The following C1orf141 variants were observed in gnomAD, a reference collection of about 807,000 sequenced individuals.
C1orf141 encodes uncharacterized protein C1orf141.
Under a neutral mutation model 23.2 loss-of-function variants are expected in C1orf141, and 19 were observed. The ratio of observed to expected loss-of-function variants is 0.82; its 90% CI spans 0.57 to 1.20. The LOEUF (loss-of-function observed/expected upper bound fraction) is 1.20, where lower values mean the gene tolerates loss of function less well. Among genes scored for constraint, C1orf141 ranks in the 50% most tolerant of loss-of-function variants. The pLI, the probability that C1orf141 is intolerant of heterozygous loss-of-function variation, is 0.00. For missense variants in C1orf141, 469 were observed against 455.1 expected (o/e 1.03, Z -0.28); for synonymous variants, 153 against 154.6 (o/e 0.99, Z 0.08).
At chr1:67,096,414 A>G in intron 5 of C1orf141, 93 bp from the exon 6 acceptor site, 2 of 686,144 alleles carry the variant, frequency 2.9e-6, no homozygotes, top group Non-Finnish European at 5.0e-6. Context: ...TTAAAATAAC[A>G]TATGGAAAGT....
At chr1:67,123,752 C>G (rs894606043) in intron 4 of C1orf141, 3 of 152,186 alleles carry the variant, frequency 2.0e-5, no homozygotes, top group Non-Finnish European at 4.4e-5. Context: ...AGATTTGACC[C>G]TACTTACGAG....
chr1:67,134,808 C>A (rs1443758768), intron 1 of C1orf141, 122 bp downstream of exon 1: 1 of 152,428 alleles, frequency 6.6e-6, no homozygotes, highest in Non-Finnish European at 1.5e-5. Flanking sequence ...TGGAGAACGT[C>A]CCACCGACTC....
In C1orf141 at chr1:67,100,220, T is replaced by C. The variant is rs975683578; in HGVS notation, c.347-3899A>G. ...GTTCTGTTCTTTCCTTCAGACACACTGGTTATCTCAGTGTTGGATACCTGT... is the reference window on the plus strand; with the variant it reads ...GTTCTGTTCTTTCCTTCAGACACACCGGTTATCTCAGTGTTGGATACCTGT... On this transcript the variant is annotated intron_variant, in intron 5 of 7. Coordinates refer to ENST00000684719, the MANE Select transcript of C1orf141 (RefSeq NM_001276351.2). 5.9e-5 allele frequency among the ~76,000 whole-genome samples: 9 copies of C among 152,200 alleles called. 1 individual carries two copies. The highest frequency in any genetic ancestry group is 5.2e-4 in the Admixed American group (8 of 15,272).
chr1:67,111,099 C>G (rs940310751), intron 5 of C1orf141, among the ~76,000 whole-genome samples: 2 of 151,914 alleles, frequency 1.3e-5, no homozygotes, highest in African/African-American at 4.8e-5. Context: ...CCATGAACTT[C>G]TGCTGAAGTG....
intron 4 of C1orf141, among the ~76,000 whole-genome samples, chr1:67,116,254 C>T (rs971427635): frequency 6.6e-6 from 1 of 152,170 alleles, no homozygotes; most frequent in Non-Finnish European, 1.5e-5. Context: ...TCCATTCAAC[C>T]AGAGGGTTAG....
chr1:67,096,371 T>G, intron 5 of C1orf141, 50 bp from the exon 6 acceptor site: 1 of 903,004 alleles, frequency 1.1e-6, no homozygotes, highest in Non-Finnish European at 1.7e-6. Context: ...TTCTGACATT[T>G]AGGAAAATAT....
At chr1:67,115,286 A>G (rs1433663895) in intron 5 of C1orf141, 66 bp downstream of exon 5, 2 of 651,790 alleles carry the variant, frequency 3.1e-6, no homozygotes, top group South Asian at 3.7e-5. Context: ...CACATCGGTA[A>G]ATAATAAAAT....
At chr1:67,098,241 C>T (rs1645727389) in intron 5 of C1orf141, among the ~76,000 whole-genome samples, 2 of 152,282 alleles carry the variant, frequency 1.3e-5, no homozygotes, top group African/African-American at 4.8e-5. Flanking sequence ...AAAAATATTG[C>T]CAGGTGCAGT....
At chr1:67,103,939 T>C (rs765883114) in intron 5 of C1orf141, among the ~76,000 whole-genome samples, 1 of 152,132 alleles carries the variant, frequency 6.6e-6, no homozygotes, top group Non-Finnish European at 1.5e-5. Flanking sequence ...TAATATAAAC[T>C]GAATACTTTG....
chr1:67,111,272 A>G (rs1646065775), intron 5 of C1orf141, among the ~76,000 whole-genome samples: 1 of 152,084 alleles, frequency 6.6e-6, no homozygotes, highest in Non-Finnish European at 1.5e-5. Context: ...ATAAATTTGG[A>G]TGTTTAAGTT....
intron 4 of C1orf141, among the ~76,000 whole-genome samples, chr1:67,118,411 G>T (rs895553831): frequency 1.3e-5 from 2 of 152,154 alleles, no homozygotes; most frequent in African/African-American, 4.8e-5. Context: ...ACTGATGAGG[G>T]AGTTCCCAAA....
intron 5 of C1orf141, chr1:67,102,746 C>T (rs1277243736): frequency 6.6e-6 from 1 of 152,030 alleles, no homozygotes; most frequent in African/African-American, 2.4e-5. Context: ...TAGCAGCAGA[C>T]AGTAACTACT....
At position 67,101,994 on chromosome 1, in the gene C1orf141, C is replaced by T. The variant is rs568825386; in HGVS notation, c.347-5673G>A. Among the ~76,000 whole-genome samples, 46 of 152,204 alleles carry T rather than the reference C, an allele frequency of 3.0e-4. 1 individual carries two copies. The South Asian group carries it at 9.1e-3, about 30-fold the overall frequency. ...TTTACCCTTCTTTACTAACAGCACTCCAATCTTACCTCCTTCCAAGCAACC... is the reference window on the plus strand; with the variant it reads ...TTTACCCTTCTTTACTAACAGCACTTCAATCTTACCTCCTTCCAAGCAACC... On this transcript the variant is annotated intron_variant, in intron 5 of 7. Coordinates refer to ENST00000684719, the MANE Select transcript of C1orf141 (RefSeq NM_001276351.2).
At chr1:67,128,630 G>A (rs1193906321) in intron 2 of C1orf141, among the ~76,000 whole-genome samples, 1 of 151,992 alleles carries the variant, frequency 6.6e-6, no homozygotes, top group East Asian at 1.9e-4. Context: ...GAACCCAGGA[G>A]GCAGAGGTTG....
intron 7 of C1orf141, 163 bp downstream of exon 7, chr1:67,095,072 G>A: frequency 2.0e-6 from 1 of 506,632 alleles, no homozygotes; most frequent in Non-Finnish European, 3.4e-6. Context: ...TTTGGGAGTT[G>A]TGCAAAGTGC....
chr1:67,093,128 G>T lies in C1orf141; in HGVS notation c.1080C>A (p.Pro360=). The change falls in exon 8 of 8, where the codon CCC becomes CCA. Residue 360 remains proline (P), a synonymous_variant. Transcript: ENST00000684719. ...ATTTGACAGGTAAGGCACTGGATGTGGGTATGCTCGTTGGTTTTCCTGCAG... is the reference window on the plus strand; with the variant it reads ...ATTTGACAGGTAAGGCACTGGATGTTGGTATGCTCGTTGGTTTTCCTGCAG... ...MFSAGKPTSI[P]TSSALPVKCY... 6.2e-7 allele frequency: 1 copy of T among 1,613,908 alleles called. No individual in the cohort carries two copies. The highest frequency in any genetic ancestry group is 8.5e-7 in the Non-Finnish European group (1 of 1,179,878).
intron 4 of C1orf141, among the ~76,000 whole-genome samples, chr1:67,117,607 G>A (rs1380320146): frequency 3.9e-5 from 6 of 152,028 alleles, no homozygotes; most frequent in South Asian, 4.2e-4. Context: ...TAATATCATT[G>A]GGGAGGACTT....
chr1:67,107,762 T>C (rs550522951), intron 5 of C1orf141, among the ~76,000 whole-genome samples: 1 of 152,264 alleles, frequency 6.6e-6, no homozygotes, highest in Admixed American at 6.5e-5. Flanking sequence ...TGGTGGCGCA[T>C]GCCTGTAATC....
At chr1:67,125,953 CT>C in intron 3 of C1orf141, 44 bp from the exon 4 acceptor site, 1 of 1,409,454 alleles carries the variant, frequency 7.1e-7, no homozygotes, top group Non-Finnish European at 9.4e-7. Flanking sequence ...AAAAAGAGTA[CT>C]TTTTATATGG....
Sources: gnomAD v4.1 joint callset for allele counts (sites outside exome capture counted in the v4.1 genomes callset) on GRCh38, gnomAD v4.1.1 for gene constraint, MANE v1.5 for transcripts, NCBI Gene and HGNC (gene_info 2026-07-23, HGNC 2026-07-21) for gene names.